The following PRKAG2 variants were observed in gnomAD, a reference collection of about 807,000 sequenced individuals.
PRKAG2 encodes protein kinase AMP-activated non-catalytic subunit gamma 2.
Under a neutral mutation model 69.6 loss-of-function variants are expected in PRKAG2, and 26 were observed. The observed-to-expected ratio is 0.37, with a 90% CI of 0.27 to 0.52. The LOEUF (loss-of-function observed/expected upper bound fraction) is 0.52. PRKAG2 is among the 20% of genes least tolerant of loss of function. PRKAG2 has a pLI of 0.90. For missense variants in PRKAG2, 557 were observed against 740.0 expected (o/e 0.75, Z 2.87); for synonymous variants, 293 against 285.0 (o/e 1.03, Z -0.28).
chr7:151,798,476 G>A (rs1259762932), intron 1 of PRKAG2, among the ~76,000 whole-genome samples: 5 of 151,986 alleles, frequency 3.3e-5, no homozygotes, highest in Non-Finnish European at 7.4e-5. Flanking sequence ...CACCACGCCC[G>A]GCTAATTTTT....
At chr7:151,800,525 G>A (rs545592840) in intron 1 of PRKAG2, among the ~76,000 whole-genome samples, 2 of 152,108 alleles carry the variant, frequency 1.3e-5, no homozygotes, top group South Asian at 2.1e-4. Flanking sequence ...CTCCTCCTTC[G>A]AACACATCCA....
chr7:151,684,479 C>G (rs1834377299), intron 3 of PRKAG2, among the ~76,000 whole-genome samples: 1 of 152,172 alleles, frequency 6.6e-6, no homozygotes, highest in Non-Finnish European at 1.5e-5. Flanking sequence ...AACATCTGAG[C>G]TGCCCGTGGG....
chr7:151,693,749 C>A (rs1305944390), intron 3 of PRKAG2, among the ~76,000 whole-genome samples: 1 of 152,122 alleles, frequency 6.6e-6, no homozygotes, highest in East Asian at 1.9e-4. Context: ...GCAGAGAGAC[C>A]CCTCCTCCTT....
At chr7:151,593,800 G>T (rs1465044304) in intron 6 of PRKAG2, among the ~76,000 whole-genome samples, 2 of 152,128 alleles carry the variant, frequency 1.3e-5, no homozygotes, top group Non-Finnish European at 1.5e-5. Context: ...AGGTTACCTG[G>T]TCCAAAGTGA....
chr7:151,640,622 G>C (rs545720552), intron 4 of PRKAG2, among the ~76,000 whole-genome samples: 3 of 151,882 alleles, frequency 2.0e-5, no homozygotes, highest in African/African-American at 7.3e-5. Context: ...AGCCTTTCCC[G>C]ATTCTTTTCT....
At chr7:151,571,073 A>T (rs1369553158) in intron 9 of PRKAG2, among the ~76,000 whole-genome samples, 2 of 135,050 alleles carry the variant, frequency 1.5e-5, no homozygotes, top group East Asian at 4.3e-4. Context: ...GCCCAGCCTA[A>T]TTTTTTTTTT....
At chr7:151,761,097 A>G (rs2075386696) in intron 3 of PRKAG2, among the ~76,000 whole-genome samples, 2 of 152,232 alleles carry the variant, frequency 1.3e-5, no homozygotes, top group Non-Finnish European at 1.5e-5. Context: ...CTGATTCCAT[A>G]TTGCTTCTGA....
intron 9 of PRKAG2, among the ~76,000 whole-genome samples, chr7:151,570,781 T>A (rs1563156998): frequency 6.6e-6 from 1 of 152,192 alleles, no homozygotes; most frequent in Non-Finnish European, 1.5e-5. Context: ...GGTTTCTTTT[T>A]TTTTCTGAGA....
intron 3 of PRKAG2, among the ~76,000 whole-genome samples, chr7:151,678,252 C>T (rs901325305): frequency 6.6e-6 from 1 of 152,264 alleles, no homozygotes; most frequent in African/African-American, 2.4e-5. Context: ...CCCCTCTCCC[C>T]ACCAAGATCT....
intron 3 of PRKAG2, among the ~76,000 whole-genome samples, chr7:151,775,159 G>T (rs2076278133): frequency 6.6e-6 from 1 of 152,264 alleles, no homozygotes; most frequent in African/African-American, 2.4e-5. Context: ...CAAGGAGGGT[G>T]GGATGCCACA....
chr7:151,859,283 C>T (rs971613630), intron 1 of PRKAG2, among the ~76,000 whole-genome samples: 6 of 152,216 alleles, frequency 3.9e-5, no homozygotes, highest in African/African-American at 9.6e-5. Flanking sequence ...AGGTGAGGCC[C>T]GCAAGCCAGT....
At chr7:151,665,161 G>C (rs1279102087) in intron 4 of PRKAG2, among the ~76,000 whole-genome samples, 1 of 152,016 alleles carries the variant, frequency 6.6e-6, no homozygotes, top group Non-Finnish European at 1.5e-5. Context: ...TTGCTGGGGA[G>C]ACTCTCAAAG....
At chr7:151,837,635 G>GA (rs1335489561) in intron 1 of PRKAG2, 2 of 152,230 alleles carry the variant, frequency 1.3e-5, no homozygotes, top group East Asian at 3.8e-4. Flanking sequence ...GGGAGCAGGG[G>GA]AGAGGCTTAG....
intron 3 of PRKAG2, among the ~76,000 whole-genome samples, chr7:151,774,491 T>C (rs1314816275): frequency 6.6e-6 from 1 of 152,216 alleles, no homozygotes; most frequent in African/African-American, 2.4e-5. Flanking sequence ...CTTCCTGCTT[T>C]CTTTCCCCTT....
chr7:151,735,787 A>G (rs1420175587), intron 3 of PRKAG2: 1 of 1,378,342 alleles, frequency 7.3e-7, no homozygotes, highest in African/African-American at 1.4e-5. Context: ...GTTATATCCC[A>G]GTTGGAAGAG....
chr7:151,629,046 G>C (rs1027415661), intron 5 of PRKAG2, among the ~76,000 whole-genome samples: 1 of 152,182 alleles, frequency 6.6e-6, no homozygotes, highest in Non-Finnish European at 1.5e-5. Flanking sequence ...AGAGCAGGGG[G>C]CTGGCACACT....
rs1222955893 is a variant in PRKAG2, at chr7:151,700,551, G to A, written c.467-24914C>T. On this transcript the variant is annotated intron_variant, in intron 3 of 15. Coordinates refer to ENST00000287878, the MANE Select transcript of PRKAG2 (RefSeq NM_016203.4). The stretch of plus-strand genomic sequence containing the variant: ...TGTGGATTTCTGAGCCCCACCCTCA[G>A]AGATTCAGATTTGGGAACTGGGATG... 3.9e-5 allele frequency among the ~76,000 whole-genome samples: 6 copies of A among 152,296 alleles called. No homozygotes were observed. The South Asian group carries it at 1.0e-3, about 26-fold the overall frequency.
intron 4 of PRKAG2, among the ~76,000 whole-genome samples, chr7:151,667,922 T>C (rs1048380528): frequency 6.6e-6 from 1 of 152,136 alleles, no homozygotes; most frequent in African/African-American, 2.4e-5. Context: ...TAAATGGTGG[T>C]TATGTTAAGT....
rs1381136077 is a variant in PRKAG2, at chr7:151,756,178, C to T, written c.466+24974G>A. ...TGCACCATCGGTACAGTCCCACAGG[C>T]CCCTGTGGCCTCCCTGAAAGTGAGG... is the stretch of plus-strand genomic sequence containing the variant. On this transcript the variant is annotated intron_variant, in intron 3 of 15. Coordinates refer to ENST00000287878, the MANE Select transcript of PRKAG2 (RefSeq NM_016203.4). The surrounding 1 kb of genome is among the most constrained non-coding windows in gnomAD (Gnocchi z 4.9). Among the ~76,000 whole-genome samples the T allele has an allele frequency of 6.6e-6, 1 of 152,194 alleles. No individual in the cohort carries two copies. The highest frequency in any genetic ancestry group is 2.4e-5 in the African/African-American group (1 of 41,454).
Sources: gnomAD v4.1 joint callset for allele counts (sites outside exome capture counted in the v4.1 genomes callset) on GRCh38, gnomAD v4.1.1 for gene constraint, Gnocchi (gnomAD v3.1) non-coding constraint, MANE v1.5 for transcripts, NCBI Gene and HGNC (gene_info 2026-07-23, HGNC 2026-07-21) for gene names.